LRRC72: variants seen among roughly 807,000 people sequenced by gnomAD.
LRRC72 encodes leucine-rich repeat-containing protein 72.
LRRC72 carries 41 observed loss-of-function variants against 35.8 expected under a neutral mutation model. The ratio of observed to expected loss-of-function variants is 1.15; its 90% CI spans 0.89 to 1.49. LRRC72 has a LOEUF of 1.49. Ranked by LOEUF, LRRC72 falls within the 40% of genes most tolerant of loss-of-function variation. LRRC72 has a pLI of 0.00. For synonymous variants in LRRC72, 118 were observed against 119.2 expected (o/e 0.99, Z 0.07); for missense variants, 389 against 330.7 (o/e 1.18, Z -1.37).
chr7:16,554,218 T>C (rs1422473191), intron 3 of LRRC72, among the ~76,000 whole-genome samples: 1 of 152,134 alleles, frequency 6.6e-6, no homozygotes, highest in African/African-American at 2.4e-5. Context: ...TAATCCCAGC[T>C]ACTCGGGAGG....
chr7:16,529,756 T>C (rs1782131617), intron 1 of LRRC72, among the ~76,000 whole-genome samples: 2 of 152,268 alleles, frequency 1.3e-5, no homozygotes, highest in Admixed American at 1.3e-4. Flanking sequence ...ATTATGCTGA[T>C]ACATTCAATT....
chr7:16,544,883 G>A (rs1275978598), intron 3 of LRRC72, among the ~76,000 whole-genome samples: 1 of 152,132 alleles, frequency 6.6e-6, no homozygotes, highest in East Asian at 1.9e-4. Flanking sequence ...AAAAACCAAT[G>A]GTTAATGCAT....
chr7:16,539,578 G>T (rs1782320179), intron 3 of LRRC72, among the ~76,000 whole-genome samples: 1 of 152,204 alleles, frequency 6.6e-6, no homozygotes, highest in Non-Finnish European at 1.5e-5. Flanking sequence ...AAGTAAGGAG[G>T]AGCCAAATGT....
chr7:16,576,591 T>G (rs183135775), intron 7 of LRRC72, among the ~76,000 whole-genome samples: 1 of 152,222 alleles, frequency 6.6e-6, no homozygotes, highest in Non-Finnish European at 1.5e-5. Flanking sequence ...CTGGGTTTTA[T>G]TGCATGATAG....
chr7:16,553,446 T>G (rs2128336743), intron 3 of LRRC72, among the ~76,000 whole-genome samples: 1 of 152,316 alleles, frequency 6.6e-6, no homozygotes, highest in South Asian at 2.1e-4. Context: ...TAAATAACAT[T>G]GGGCTTTTGT....
intron 7 of LRRC72, among the ~76,000 whole-genome samples, chr7:16,568,400 T>A (rs1353246184): frequency 6.6e-6 from 1 of 152,060 alleles, no homozygotes; most frequent in Non-Finnish European, 1.5e-5. Flanking sequence ...AAGGGGAAAT[T>A]GAATTAAAAA....
At chr7:16,541,221 G>A (rs890001837) in intron 3 of LRRC72, among the ~76,000 whole-genome samples, 5 of 152,142 alleles carry the variant, frequency 3.3e-5, no homozygotes, top group East Asian at 3.8e-4. Context: ...TTCATCTTCC[G>A]ACAGCTTGTA....
chr7:16,578,974 G>A (rs954742217), intron 7 of LRRC72, among the ~76,000 whole-genome samples: 1 of 152,150 alleles, frequency 6.6e-6, no homozygotes, highest in South Asian at 2.1e-4. Flanking sequence ...AAGGGGAAAT[G>A]GGGAGATGTT....
intron 3 of LRRC72, among the ~76,000 whole-genome samples, chr7:16,545,337 C>A (rs369652095): frequency 1.3e-5 from 2 of 152,122 alleles, no homozygotes; most frequent in East Asian, 1.9e-4. Flanking sequence ...ATAAAATTAG[C>A]AAATCATACT....
chr7:16,562,724 C>T (rs575200829), intron 5 of LRRC72, among the ~76,000 whole-genome samples: 5 of 152,202 alleles, frequency 3.3e-5, no homozygotes, highest in Non-Finnish European at 7.3e-5. Flanking sequence ...TCCAGGGTCC[C>T]TTCCTTTGAG....
chr7:16,564,874 A>G (rs1782801914), intron 5 of LRRC72, among the ~76,000 whole-genome samples: 1 of 151,702 alleles, frequency 6.6e-6, no homozygotes. Flanking sequence ...AATCTTCTTT[A>G]TGTTACAAAC....
chr7:16,536,482 T>C (rs1782259778), intron 2 of LRRC72, among the ~76,000 whole-genome samples: 1 of 152,158 alleles, frequency 6.6e-6, no homozygotes, highest in Admixed American at 6.5e-5. Context: ...CCTGCAACTT[T>C]ATTTTCAAAT....
chr7:16,529,999 A>G (rs2128334114), intron 1 of LRRC72, among the ~76,000 whole-genome samples: 1 of 152,352 alleles, frequency 6.6e-6, no homozygotes, highest in Non-Finnish European at 1.5e-5. Context: ...ATTCATATAA[A>G]TATGACTTTT....
chr7:16,556,554 G>C (rs1157332358), intron 3 of LRRC72, among the ~76,000 whole-genome samples: 1 of 152,156 alleles, frequency 6.6e-6, no homozygotes, highest in Non-Finnish European at 1.5e-5. Flanking sequence ...TGGCAGAGCT[G>C]CCTCCTGTGT....
intron 3 of LRRC72, among the ~76,000 whole-genome samples, chr7:16,555,447 T>C (rs1396095469): frequency 6.6e-6 from 1 of 152,194 alleles, no homozygotes; most frequent in African/African-American, 2.4e-5. Flanking sequence ...AATCTGTTCA[T>C]CAATGAGCAA....
At chr7:16,564,328 A>T (rs1001966152) in intron 5 of LRRC72, among the ~76,000 whole-genome samples, 10 of 152,130 alleles carry the variant, frequency 6.6e-5, no homozygotes, top group African/African-American at 1.7e-4. Context: ...ATCCTTGAAG[A>T]GGGTCCTTTT....
chr7:16,552,522 T>C (rs961348712), intron 3 of LRRC72, among the ~76,000 whole-genome samples: 4 of 152,182 alleles, frequency 2.6e-5, no homozygotes, highest in African/African-American at 9.6e-5. Context: ...GTTACTTGTG[T>C]GTGATGTTGC....
At chr7:16,570,544 C>T (rs779303164) in intron 7 of LRRC72, among the ~76,000 whole-genome samples, 1 of 152,108 alleles carries the variant, frequency 6.6e-6, no homozygotes. Context: ...ACTCGCCAGG[C>T]GTGGTGGCTC....
In LRRC72 at chr7:16,537,653, C is replaced by A; in HGVS notation, c.191C>A (p.Ser64Tyr). ...KKELTEVIDL[S>Y]RFKKLKYLWL... is the part of the protein sequence containing the mutation. ...GAACTGACAGAGGTCATTGATCTTT[C>A]TAGGTTTAAAAAATTAAAATACTTA... Residue 64 changes from serine (S) to tyrosine (Y), a missense_variant, in exon 3 of 9, where the codon TCT becomes TAT. Ser to Tyr is a moderately radical substitution (Grantham distance 144). Transcript: ENST00000401542. The A allele has an allele frequency of 6.6e-7, 1 of 1,526,336 alleles. No homozygotes were observed. Among genetic ancestry groups the A allele is most frequent in the Non-Finnish European group, 8.8e-7 (1 of 1,133,516 alleles). The allele number at this position is 1,526,336 out of a possible 1,614,324, so 94.5% of individuals were successfully genotyped here.
Sources: allele counts gnomAD v4.1 joint callset (sites outside exome capture counted in the v4.1 genomes callset), GRCh38; gene constraint gnomAD v4.1.1; transcripts MANE v1.5; gene names NCBI Gene and HGNC (gene_info 2026-07-23, HGNC 2026-07-21).